FRMD4A: variants seen among roughly 807,000 people sequenced by gnomAD.
FRMD4A encodes FERM domain-containing protein 4A.
A neutral mutation model predicts 129.1 loss-of-function variants in FRMD4A; 29 were observed. The ratio of observed to expected loss-of-function variants is 0.22; its 90% CI spans 0.17 to 0.31. The LOEUF (loss-of-function observed/expected upper bound fraction) is 0.31, where lower values mean the gene tolerates loss of function less well. Ranked by LOEUF, FRMD4A falls within the 10% of genes least tolerant of loss-of-function variation. The probability of loss-of-function intolerance (pLI) is 1.00; values close to 1 mark genes in which losing one functional copy is unlikely to be tolerated. For missense variants in FRMD4A, 1,272 were observed against 1,375.8 expected, an observed-to-expected ratio of 0.92 and a Z score of 1.19; for synonymous variants, 634 against 571.6, an observed-to-expected ratio of 1.11 and a Z score of -1.56.
At chr10:13,971,172 A>C (rs2095515883) in intron 2 of FRMD4A, among the ~76,000 whole-genome samples, 1 of 151,814 alleles carries the variant, frequency 6.6e-6, no homozygotes, top group Non-Finnish European at 1.5e-5. Flanking sequence ...AGGCACACAC[A>C]TGCATGCACA....
chr10:13,773,486 T>C (rs150052798), intron 6 of FRMD4A, among the ~76,000 whole-genome samples: 1 of 152,352 alleles, frequency 6.6e-6, no homozygotes, highest in Non-Finnish European at 1.5e-5. Context: ...AGGAACTGAA[T>C]GGAAAGGTCT....
At chr10:14,005,125 C>T (rs1348311542) in intron 2 of FRMD4A, among the ~76,000 whole-genome samples, 1 of 151,974 alleles carries the variant, frequency 6.6e-6, no homozygotes, top group Non-Finnish European at 1.5e-5. Flanking sequence ...CAGGTTCAAG[C>T]GATTCCCCTG....
chr10:14,285,184 C>T (rs1336737716), intron 2 of FRMD4A, among the ~76,000 whole-genome samples: 5 of 152,314 alleles, frequency 3.3e-5, no homozygotes, highest in Admixed American at 1.3e-4. Flanking sequence ...CGCTTCCCAG[C>T]GTGATAAGAG....
intron 2 of FRMD4A, among the ~76,000 whole-genome samples, chr10:13,902,738 G>A (rs548914643): frequency 1.4e-4 from 21 of 151,944 alleles, no homozygotes; most frequent in Non-Finnish European, 2.6e-4. Context: ...TACTTGGGAG[G>A]CTGAGGCAGG....
chr10:14,028,432 G>T (rs1833081992), intron 2 of FRMD4A, among the ~76,000 whole-genome samples: 3 of 152,130 alleles, frequency 2.0e-5, no homozygotes, highest in Non-Finnish European at 4.4e-5. Context: ...TGGGGATGAG[G>T]GAGAGTCACT....
intron 2 of FRMD4A, chr10:13,971,634 A>G (rs1446578640): frequency 2.4e-6 from 3 of 1,272,378 alleles, no homozygotes; most frequent in Non-Finnish European, 3.1e-6. Context: ...CAAAGAAACG[A>G]AAGAGGAGCT....
chr10:13,738,363 G>A (rs1043206564), intron 11 of FRMD4A, among the ~76,000 whole-genome samples: 5 of 152,164 alleles, frequency 3.3e-5, no homozygotes, highest in Admixed American at 2.0e-4. Context: ...TCGATGGTCA[G>A]AGCCAGAGGA....
rs1262889511 is a variant in FRMD4A, at chr10:13,707,113, T to C, written c.760A>G (p.Ile254Val). 1.3e-6 allele frequency: 2 copies of C among 1,542,312 alleles called. No individual in the cohort carries two copies. The highest frequency in any genetic ancestry group is 1.7e-5 in the Admixed American group (1 of 59,922). The change falls in exon 13 of 25, where the codon ATA becomes GTA. Residue 254 changes from isoleucine (I) to valine (V), a missense_variant and splice_region_variant. Around this residue, in one of 2 missense-constraint regions of FRMD4A, gnomAD observed 300 missense variants for 483.6 expected, o/e 0.62. Transcript: ENST00000357447. ...DYHDKVKPRKIFQWRQLENLY... is the reference protein window; with the variant it reads ...DYHDKVKPRKVFQWRQLENLY... ...TTTTCCAACTGTCTCCATTGGAATA[T>C]CTGGACAGAAAACAGTGTAGTTTAA...
chr10:14,252,153 C>T (rs1844462442), intron 2 of FRMD4A, among the ~76,000 whole-genome samples: 1 of 152,116 alleles, frequency 6.6e-6, no homozygotes, highest in African/African-American at 2.4e-5. Flanking sequence ...TTGTTTCAGC[C>T]TTCTCTTTCT....
chr10:14,289,713 C>G (rs1351775440), intron 2 of FRMD4A, among the ~76,000 whole-genome samples: 1 of 152,068 alleles, frequency 6.6e-6, no homozygotes, highest in Non-Finnish European at 1.5e-5. Flanking sequence ...AGGATGCCTA[C>G]TTTCACCACT....
At chr10:14,112,397 C>G (rs949712436) in intron 2 of FRMD4A, among the ~76,000 whole-genome samples, 1 of 151,996 alleles carries the variant, frequency 6.6e-6, no homozygotes, top group African/African-American at 2.4e-5. Flanking sequence ...GCGGCGGTCT[C>G]GATGTGGTTG....
chr10:13,881,993 GTGTGTGTGTGT>G (rs2094551984), intron 2 of FRMD4A, among the ~76,000 whole-genome samples: 56 of 146,290 alleles, frequency 3.8e-4, no homozygotes, highest in East Asian at 2.9e-3. Context: ...AGGCAAGGGT[GTGTGTGTGTGT>G]GTGTGTGTGT....
At chr10:13,859,050 G>C (rs983963104) in intron 2 of FRMD4A, 138 bp from the exon 3 acceptor site, 1 of 675,290 alleles carries the variant, frequency 1.5e-6, no homozygotes, top group Non-Finnish European at 2.7e-6. Flanking sequence ...ATAATGCCAG[G>C]AGTTGGAAGG....
At chr10:14,199,680 G>A (rs965737643) in intron 2 of FRMD4A, among the ~76,000 whole-genome samples, 3 of 152,138 alleles carry the variant, frequency 2.0e-5, no homozygotes, top group Non-Finnish European at 2.9e-5. Context: ...GTGTGCCACC[G>A]TGCCTGTTAT....
intron 2 of FRMD4A, among the ~76,000 whole-genome samples, chr10:13,910,020 AAT>A (rs1462958070): frequency 6.6e-6 from 1 of 152,254 alleles, no homozygotes; most frequent in East Asian, 1.9e-4. Flanking sequence ...ACAGCCATGA[AAT>A]ATGTTGTGAA....
rs1308155926 is a variant in FRMD4A at position 13,679,474 on chromosome 10, T to TATACACACACAC, written c.1118-4431_1118-4430insGTGTGTGTGTAT. On this transcript the variant is annotated intron_variant, in intron 15 of 24. Transcript: ENST00000357447. ...AAAAAAAAAAAAATATATATATATATACACACACACACACACACACACACA... is the reference window on the plus strand; with the variant it reads ...AAAAAAAAAAAAATATATATATATATATACACACACACACACACACACACACACACACACACA... Among the ~76,000 whole-genome samples the TATACACACACAC allele has an allele frequency of 1.7e-3, 54 of 31,486 alleles. 1 individual carries two copies. The highest frequency in any genetic ancestry group is 0.016 in the Middle Eastern group (1 of 64). 20.7% of individuals were successfully genotyped at this position (31,486 alleles called of 152,430 possible).
At chr10:14,059,956 G>A (rs372762748) in intron 2 of FRMD4A, among the ~76,000 whole-genome samples, 2 of 152,152 alleles carry the variant, frequency 1.3e-5, no homozygotes, top group African/African-American at 2.4e-5. Context: ...TATAGAAAAG[G>A]AAACCGAGGC....
chr10:13,707,324 A>G, intron 12 of FRMD4A: 1 of 1,197,916 alleles, frequency 8.3e-7, no homozygotes, highest in Non-Finnish European at 1.1e-6. Context: ...GTGGGTGTGG[A>G]TTTTCCTGCA....
intron 2 of FRMD4A, among the ~76,000 whole-genome samples, chr10:14,279,849 T>G (rs1342285323): frequency 6.6e-6 from 1 of 152,252 alleles, no homozygotes; most frequent in Non-Finnish European, 1.5e-5. Context: ...ATGACAAGTC[T>G]TCTGGGTCTC....
Sources: gnomAD v4.1 joint callset for allele counts (sites outside exome capture counted in the v4.1 genomes callset) on GRCh38, gnomAD v4.1.1 for gene constraint, gnomAD v4.1.1 regional missense constraint, MANE v1.5 for transcripts, NCBI Gene and HGNC (gene_info 2026-07-23, HGNC 2026-07-21) for gene names.